The following MLLT10 variants were observed in gnomAD, a reference collection of about 807,000 sequenced individuals.
MLLT10 encodes protein AF-10.
MLLT10 carries 30 observed loss-of-function variants against 129.1 expected under a neutral mutation model. The ratio of observed to expected loss-of-function variants is 0.23; its 90% CI spans 0.17 to 0.32. The LOEUF is 0.32. Among genes scored for constraint, MLLT10 ranks in the 10% least tolerant of loss-of-function variants. MLLT10 has a pLI of 1.00. For synonymous variants in MLLT10, 490 were observed against 446.4 expected (o/e 1.10, Z -1.23); for missense variants, 1,119 against 1,268.3 (o/e 0.88, Z 1.79).
chr10:21,656,872 TG>T (rs901081178), intron 9 of MLLT10, among the ~76,000 whole-genome samples: 1 of 152,082 alleles, frequency 6.6e-6, no homozygotes, highest in African/African-American at 2.4e-5. Context: ...TTTCTATGAT[TG>T]GGGGATTTTG....
intron 9 of MLLT10, among the ~76,000 whole-genome samples, chr10:21,652,399 T>C (rs775888912): frequency 2.0e-5 from 3 of 152,214 alleles, no homozygotes; most frequent in Non-Finnish European, 4.4e-5. Flanking sequence ...TTTAGGTTAA[T>C]TAACCTTGGT....
At chr10:21,708,901 T>C (rs759704128) in intron 13 of MLLT10, among the ~76,000 whole-genome samples, 6 of 152,222 alleles carry the variant, frequency 3.9e-5, no homozygotes, top group Non-Finnish European at 7.3e-5. Flanking sequence ...GTAGCTACCA[T>C]TTATTAAAAC....
At chr10:21,545,165 G>A (rs925714267) in intron 3 of MLLT10, among the ~76,000 whole-genome samples, 1 of 151,590 alleles carries the variant, frequency 6.6e-6, no homozygotes, top group African/African-American at 2.4e-5. Context: ...AAAGATTTTT[G>A]TATTGGAAAT....
intron 3 of MLLT10, among the ~76,000 whole-genome samples, chr10:21,546,742 T>C (rs2036143725): frequency 1.3e-5 from 2 of 151,822 alleles, no homozygotes. Flanking sequence ...TAATTTTTTT[T>C]TTTTTGAGAT....
chr10:21,713,791 T>G lies in MLLT10; in HGVS notation c.1719T>G (p.Asp573Glu). Residue 573 changes from aspartate to glutamate, a missense_variant, in exon 14 of 23, where the codon GAT (aspartate) becomes GAG (glutamate). By Grantham distance (45) the Asp-to-Glu change is conservative. Transcript: ENST00000307729. ...TTGCAGGTATTTATAACAGCAATGATGTAGCAGTATCGTTTCCAAATGTAG... is the reference window on the plus strand; with the variant it reads ...TTGCAGGTATTTATAACAGCAATGAGGTAGCAGTATCGTTTCCAAATGTAG... ...AIHNGIYNSN[D>E]VAVSFPNVVS... is the part of the protein sequence containing the mutation. The G allele has an allele frequency of 6.2e-7, 1 of 1,612,176 alleles. No individual in the cohort carries two copies. Among genetic ancestry groups the G allele is most frequent in the East Asian group, 2.2e-5 (1 of 44,840 alleles).
intron 14 of MLLT10, among the ~76,000 whole-genome samples, chr10:21,716,031 A>G (rs1253465622): frequency 2.0e-5 from 3 of 152,370 alleles, no homozygotes; most frequent in East Asian, 1.9e-4. Flanking sequence ...CAACTGAGGC[A>G]CGTTGACCTC....
At chr10:21,689,408 C>T (rs1017985841) in intron 13 of MLLT10, among the ~76,000 whole-genome samples, 4 of 151,154 alleles carry the variant, frequency 2.6e-5, no homozygotes, top group African/African-American at 7.3e-5. Context: ...GATAATGTAA[C>T]GTTTGACCTG....
rs191906004 is a variant in MLLT10, at chr10:21,594,510, G to A, written c.296-821G>A. Among the ~76,000 whole-genome samples the A allele has an allele frequency of 6.5e-3, 905 of 138,970 alleles. 3 individuals carry two copies. The highest frequency in any genetic ancestry group is 0.014 in the Admixed American group (172 of 12,410). 91.2% of individuals were successfully genotyped at this position (138,970 alleles called of 152,430 possible). ...GGAGGTCGCGGTGAGACGAGATCGC[G>A]CCACTGCTCTCCAGCCTGGGCAACA... On this transcript the variant is annotated intron_variant, in intron 4 of 22. Coordinates refer to ENST00000307729, the MANE Select transcript of MLLT10 (RefSeq NM_001195626.3).
chr10:21,567,304 G>A (rs2039694330), intron 3 of MLLT10, among the ~76,000 whole-genome samples: 1 of 152,212 alleles, frequency 6.6e-6, no homozygotes, highest in Non-Finnish European at 1.5e-5. Flanking sequence ...TACCTTGTCT[G>A]TGTTGACATT....
chr10:21,550,490 C>G (rs182915170), intron 3 of MLLT10, among the ~76,000 whole-genome samples: 17 of 152,278 alleles, frequency 1.1e-4, no homozygotes, highest in Non-Finnish European at 2.2e-4. Context: ...TTTCTGATAG[C>G]TTCGTTAACT....
rs992893497 is a variant in MLLT10, at chr10:21,534,638, C to G, written c.1-7C>G. ...GTTTTTTAATGGTCCCCCCAACTCC[C>G]TCTTAGATGGTCTCTAGCGACCGGC... On this transcript the variant is annotated splice_region_variant and splice_polypyrimidine_tract_variant and intron_variant, in intron 1 of 22. Coordinates refer to ENST00000307729, the MANE Select transcript of MLLT10 (RefSeq NM_001195626.3). The G allele has an allele frequency of 3.1e-6, 5 of 1,605,224 alleles. No homozygotes were observed. In the African/African-American group the frequency reaches 6.7e-5, roughly 22 times the overall value.
intron 14 of MLLT10, among the ~76,000 whole-genome samples, chr10:21,714,401 C>T (rs1345482909): frequency 1.3e-5 from 2 of 152,164 alleles, no homozygotes; most frequent in African/African-American, 4.8e-5. Flanking sequence ...CCGCTTCAAG[C>T]ACTACACATT....
chr10:21,718,424 A>C (rs902097299), intron 14 of MLLT10, among the ~76,000 whole-genome samples: 2 of 152,162 alleles, frequency 1.3e-5, no homozygotes, highest in African/African-American at 4.8e-5. Context: ...CTAGTTCTGC[A>C]GTCATTCTGT....
At chr10:21,548,170 T>C (rs965586882) in intron 3 of MLLT10, among the ~76,000 whole-genome samples, 1 of 152,152 alleles carries the variant, frequency 6.6e-6, no homozygotes, top group African/African-American at 2.4e-5. Flanking sequence ...AACAATCTTT[T>C]GAGTTTGTTT....
At chr10:21,568,979 A>T (rs536666550) in intron 3 of MLLT10, among the ~76,000 whole-genome samples, 11 of 151,952 alleles carry the variant, frequency 7.2e-5, no homozygotes, top group Non-Finnish European at 1.5e-4. Flanking sequence ...AAATATTGGG[A>T]TTGTCTTTGA....
At chr10:21,724,254 T>C (rs2057324927) in intron 14 of MLLT10, among the ~76,000 whole-genome samples, 1 of 152,228 alleles carries the variant, frequency 6.6e-6, no homozygotes, top group African/African-American at 2.4e-5. Flanking sequence ...TTTGAGATAA[T>C]AGAAAGCAAG....
chr10:21,733,799 G>C lies in MLLT10; in HGVS notation c.2528G>C (p.Ser843Thr). ...ACCTCCAGTGGACAAAGTACCAGCAGCTCATCAGCTCTTTCTACCCCACCT... is the reference window on the plus strand; with the variant it reads ...ACCTCCAGTGGACAAAGTACCAGCACCTCATCAGCTCTTTCTACCCCACCT... ...DLTSSGQSTS[S>T]SSALSTPPPA... The change falls in exon 20 of 23, where the codon AGC becomes ACC. Residue 843 changes from serine to threonine, a missense_variant. Ser to Thr is a moderately conservative substitution (Grantham distance 58, BLOSUM62 1). Coordinates refer to ENST00000307729, the MANE Select transcript of MLLT10 (RefSeq NM_001195626.3). 6.2e-7 allele frequency: 1 copy of C among 1,613,852 alleles called. No homozygotes were observed. Among genetic ancestry groups the C allele is most frequent in the Non-Finnish European group, 8.5e-7 (1 of 1,179,922 alleles).
At chr10:21,720,182 A>G (rs751683304) in intron 14 of MLLT10, among the ~76,000 whole-genome samples, 7 of 152,182 alleles carry the variant, frequency 4.6e-5, no homozygotes, top group Non-Finnish European at 8.8e-5. Flanking sequence ...TGGAAACTCA[A>G]TTGTGGGGCA....
rs1009869068 is a variant in MLLT10, at chr10:21,742,256, C to T, written c.*273C>T. 25 of 370,998 alleles carry T rather than the reference C, an allele frequency of 6.7e-5. No homozygotes were observed. The highest frequency in any genetic ancestry group is 4.3e-4 in the African/African-American group (21 of 48,328). The allele number at this position is 370,998 out of a possible 1,614,324, so 23.0% of individuals were successfully genotyped here. A position where few individuals can be genotyped will look rare whatever the true frequency, so the allele number is the denominator to read the frequency against. On this transcript the variant is annotated 3_prime_UTR_variant, in exon 23 of 23. Coordinates refer to ENST00000307729, the MANE Select transcript of MLLT10 (RefSeq NM_001195626.3). ...TAACTTTTTAAAGTGACATAATTTA[C>T]ATGCAATATGTTTATCAACTCAAGA...
Sources: gnomAD v4.1 joint callset for allele counts (sites outside exome capture counted in the v4.1 genomes callset) on GRCh38, gnomAD v4.1.1 for gene constraint, MANE v1.5 for transcripts, NCBI Gene and HGNC (gene_info 2026-07-23, HGNC 2026-07-21) for gene names.